Variants in PCBP3 observed in about 807,000 individuals in gnomAD.
PCBP3 encodes poly(rC) binding protein 3, also known as poly(rC)-binding protein 3.
PCBP3 carries 25 observed loss-of-function variants against 52.7 expected under a neutral mutation model. That is an observed-to-expected ratio of 0.47 (90% CI 0.35 to 0.66). PCBP3 has a LOEUF of 0.66. Ranked by LOEUF, PCBP3 falls within the 30% of genes least tolerant of loss-of-function variation. PCBP3 has a pLI of 0.01. For synonymous variants in PCBP3, 162 were observed against 183.0 expected, an observed-to-expected ratio of 0.89 and a Z score of 0.93; for missense variants, 391 against 490.3, an observed-to-expected ratio of 0.80 and a Z score of 1.91.
At chr21:45,811,417 C>A (rs1275117687) in intron 4 of PCBP3, among the ~76,000 whole-genome samples, 1 of 152,200 alleles carries the variant, frequency 6.6e-6, no homozygotes, top group African/African-American at 2.4e-5. Context: ...GCCACAGGAC[C>A]CAGTTTGGAA....
intron 4 of PCBP3, chr21:45,836,349 C>T (rs1164935052): frequency 1.3e-5 from 2 of 152,340 alleles, no homozygotes; most frequent in Admixed American, 1.3e-4. Flanking sequence ...TGCGCCAGGC[C>T]TGTGTGTGCC....
At chr21:45,896,165 C>G (rs557125787) in intron 5 of PCBP3, 43 bp from the exon 6 acceptor site, 2 of 1,542,208 alleles carry the variant, frequency 1.3e-6, no homozygotes, top group Admixed American at 2.0e-5. Flanking sequence ...GTGCGTGGTC[C>G]GTGAGACTCT....
intron 4 of PCBP3, among the ~76,000 whole-genome samples, chr21:45,782,965 T>C (rs1202483731): frequency 1.3e-5 from 2 of 152,228 alleles, no homozygotes; most frequent in Non-Finnish European, 2.9e-5. Flanking sequence ...CATTCTGGCT[T>C]TCTCATGTAG....
intron 1 of PCBP3, among the ~76,000 whole-genome samples, chr21:45,658,872 T>C (rs1325431270): frequency 6.6e-6 from 1 of 152,082 alleles, no homozygotes; most frequent in Non-Finnish European, 1.5e-5. Flanking sequence ...AGATGTACTG[T>C]TTTTTAAGTT....
intron 4 of PCBP3, among the ~76,000 whole-genome samples, chr21:45,768,890 G>T (rs1031783164): frequency 7.2e-5 from 11 of 152,236 alleles, no homozygotes; most frequent in African/African-American, 2.2e-4. Flanking sequence ...AGGCACCTCT[G>T]CCTGTTCCGT....
At chr21:45,914,182 A>C in intron 12 of PCBP3, 157 bp downstream of exon 12, 1 of 1,256,568 alleles carries the variant, frequency 8.0e-7, no homozygotes, top group Admixed American at 2.4e-5. Flanking sequence ...ACCCAGCACC[A>C]GGCGGACGCA....
At chr21:45,869,042 T>C (rs2094885959) in intron 5 of PCBP3, among the ~76,000 whole-genome samples, 1 of 152,248 alleles carries the variant, frequency 6.6e-6, no homozygotes, top group African/African-American at 2.4e-5. Flanking sequence ...GGGTTGTGTT[T>C]ATGAATAAAG....
At position 45,853,080 on chromosome 21, in the gene PCBP3, G is replaced by C. The variant is rs912557279; in HGVS notation, c.10+2985G>C. On this transcript the variant is annotated intron_variant, in intron 5 of 17. Transcript: ENST00000681687. This position sits in a 1 kb window ranked among gnomAD's most constrained non-coding sequence, Gnocchi z 4.6. ...CGCACCAGGCATTGGGAGCAGATGC[G>C]GAAAGTGCACATGCCGCTGGCCAGA... 6.6e-6 allele frequency among the ~76,000 whole-genome samples: 1 copy of C among 152,194 alleles called. No homozygotes were observed. Among genetic ancestry groups the C allele is most frequent in the South Asian group, 2.1e-4 (1 of 4,828 alleles).
At chr21:45,839,026 T>C (rs1344197884) in intron 4 of PCBP3, among the ~76,000 whole-genome samples, 2 of 152,222 alleles carry the variant, frequency 1.3e-5, no homozygotes, top group Admixed American at 1.3e-4. Context: ...TTTTTTCTTT[T>C]CGAAAACATG....
chr21:45,906,513 C>T (rs1340930229), intron 9 of PCBP3, among the ~76,000 whole-genome samples: 1 of 152,096 alleles, frequency 6.6e-6, no homozygotes, highest in East Asian at 1.9e-4. Context: ...GATTTGGGGT[C>T]ACAGGATTGT....
chr21:45,720,151 T>C (rs184120880), intron 2 of PCBP3, among the ~76,000 whole-genome samples: 18 of 152,306 alleles, frequency 1.2e-4, no homozygotes, highest in Non-Finnish European at 1.9e-4. Context: ...ACGTCTGCCA[T>C]GGTGGTTTGC....
intron 2 of PCBP3, among the ~76,000 whole-genome samples, chr21:45,672,871 C>G (rs550807895): frequency 1.9e-4 from 29 of 152,302 alleles, no homozygotes; most frequent in African/African-American, 6.7e-4. Context: ...TTTCCTGTCT[C>G]TCTGAAGCCA....
intron 4 of PCBP3, among the ~76,000 whole-genome samples, chr21:45,848,694 C>T (rs577777190): frequency 4.6e-5 from 7 of 152,156 alleles, no homozygotes; most frequent in Non-Finnish European, 8.8e-5. Flanking sequence ...ATTTGTGTTC[C>T]TGGTGTTTTT....
In PCBP3 at chr21:45,694,160, A is replaced by G. The variant is rs945104270; in HGVS notation, c.-200+25208A>G. On this transcript the variant is annotated intron_variant, in intron 2 of 17. Coordinates refer to ENST00000681687, the MANE Select transcript of PCBP3 (RefSeq NM_001384156.1). Reference sequence around the variant, plus strand: ...TGGGAAAGGGGAAATAAAGTAACCAAAGAACCACAGGACCCAAAAAACAAC... The same window carrying G: ...TGGGAAAGGGGAAATAAAGTAACCAGAGAACCACAGGACCCAAAAAACAAC... Among the ~76,000 whole-genome samples, 5 of 152,224 alleles carry G rather than the reference A, an allele frequency of 3.3e-5. No individual in the cohort carries two copies. The East Asian group carries it at 7.7e-4, about 23-fold the overall frequency.
intron 5 of PCBP3, among the ~76,000 whole-genome samples, chr21:45,868,936 T>A (rs1168822509): frequency 6.6e-6 from 1 of 152,226 alleles, no homozygotes; most frequent in East Asian, 1.9e-4. Flanking sequence ...CTCACGAGAC[T>A]CACTTCTTCC....
rs452797 is a variant in PCBP3 at position 45,928,541 on chromosome 21, C to G, written c.718-1376C>G. Among the ~76,000 whole-genome samples, 30,471 of 152,160 alleles carry G rather than the reference C, an allele frequency of 0.2. 3,807 individuals carry two copies. The highest frequency in any genetic ancestry group is 0.28 in the Non-Finnish European group (18,781 of 67,948). On this transcript the variant is annotated intron_variant, in intron 13 of 17. Transcript: ENST00000681687. This position sits in a 1 kb window ranked among gnomAD's most constrained non-coding sequence, Gnocchi z 4.1. ...GCACACAGCTGGGAAGGCGCTGGGA[C>G]CACAGTCGCCGCATTCCTGACTGTG...
At chr21:45,671,920 G>A (rs1046479958) in intron 2 of PCBP3, among the ~76,000 whole-genome samples, 8 of 152,094 alleles carry the variant, frequency 5.3e-5, no homozygotes, top group Non-Finnish European at 1.0e-4. Flanking sequence ...GGAGAAACTG[G>A]TCTGTTGTCC....
rs2096378600 is a variant in PCBP3, at chr21:45,911,038, C to T, written c.600+8C>T. On this transcript the variant is annotated splice_region_variant and intron_variant, in intron 11 of 17. Transcript: ENST00000681687. ...TGTGTGGTCATGCTGGAGGTACCGT[C>T]TGCGCGCCAGGGCCAGCCCACGTCA... 1.2e-6 allele frequency: 2 copies of T among 1,608,200 alleles called. No homozygotes were observed. The highest frequency in any genetic ancestry group is 1.7e-6 in the Non-Finnish European group (2 of 1,179,912).
intron 2 of PCBP3, among the ~76,000 whole-genome samples, chr21:45,710,020 G>A (rs2083724621): frequency 6.6e-6 from 1 of 152,168 alleles, no homozygotes; most frequent in Non-Finnish European, 1.5e-5. Flanking sequence ...TAAACTGCCA[G>A]TTCTATCACT....
Sources: gnomAD v4.1 joint callset for allele counts (sites outside exome capture counted in the v4.1 genomes callset) on GRCh38, gnomAD v4.1.1 for gene constraint, Gnocchi (gnomAD v3.1) non-coding constraint, MANE v1.5 for transcripts, NCBI Gene and HGNC (gene_info 2026-07-23, HGNC 2026-07-21) for gene names.